The following PRR16 variants were observed in gnomAD, a reference collection of about 807,000 sequenced individuals.
PRR16 encodes the protein protein Largen.
A neutral mutation model predicts 18.2 loss-of-function variants in PRR16; 6 were observed. The ratio of observed to expected loss-of-function variants is 0.33; its 90% CI spans 0.18 to 0.65. The LOEUF (loss-of-function observed/expected upper bound fraction) is 0.65. Ranked by LOEUF, PRR16 falls within the 30% of genes least tolerant of loss-of-function variation. PRR16 has a pLI of 0.74. For missense variants in PRR16, 412 were observed against 376.6 expected (o/e 1.09, Z -0.78); for synonymous variants, 151 against 147.8 (o/e 1.02, Z -0.16).
chr5:120,729,861 A>C, the PRR16 span, among the ~76,000 whole-genome samples: 1 of 152,032 alleles, frequency 6.6e-6, no homozygotes, highest in Non-Finnish European at 1.5e-5. Context: ...TACGTGATGG[A>C]GGGCTTTGCA....
intron 1 of PRR16, among the ~76,000 whole-genome samples, chr5:120,486,044 T>C (rs949330780): frequency 1.3e-5 from 2 of 152,196 alleles, no homozygotes; most frequent in East Asian, 3.8e-4. Context: ...TAATCCAGTC[T>C]ATCATTGTTG....
chr5:120,753,230 C>T, the PRR16 span, among the ~76,000 whole-genome samples: 3 of 151,776 alleles, frequency 2.0e-5, no homozygotes, highest in African/African-American at 4.8e-5. Flanking sequence ...AGGAGCGGAG[C>T]GAATAAGAAA....
chr5:120,689,348 T>C (rs138040626), downstream of PRR16, among the ~76,000 whole-genome samples: 483 of 152,304 alleles, frequency 3.2e-3, 2 homozygotes, highest in African/African-American at 0.011. Context: ...ATAATATTTG[T>C]CTGCAAACTT....
the PRR16 span, among the ~76,000 whole-genome samples, chr5:120,793,951 T>C: frequency 1.3e-5 from 2 of 152,128 alleles, no homozygotes; most frequent in Non-Finnish European, 2.9e-5. Flanking sequence ...AAAGATACAT[T>C]GAAAATGTGG....
chr5:120,486,164 C>T (rs938517815), intron 1 of PRR16, among the ~76,000 whole-genome samples: 1 of 152,184 alleles, frequency 6.6e-6, no homozygotes, highest in African/African-American at 2.4e-5. Context: ...GGTATATACC[C>T]AGTAAAGGGA....
intron 1 of PRR16, among the ~76,000 whole-genome samples, chr5:120,621,426 A>T (rs935727095): frequency 6.6e-6 from 1 of 152,078 alleles, no homozygotes; most frequent in South Asian, 2.1e-4. Flanking sequence ...CTTCTCAGCC[A>T]GAGCTAATCT....
intron 1 of PRR16, among the ~76,000 whole-genome samples, chr5:120,553,670 C>G (rs1752325917): frequency 6.6e-6 from 1 of 151,856 alleles, no homozygotes. Context: ...TAATATGTTA[C>G]TAACACATAC....
At chr5:120,754,353 GATGTATATAA>G in the PRR16 span, among the ~76,000 whole-genome samples, 1 of 56,032 alleles carries the variant, frequency 1.8e-5, no homozygotes, top group Non-Finnish European at 2.9e-5. Flanking sequence ...TATGTTATAT[GATGTATATAA>G]ATATATAATA....
At chr5:120,775,370 C>T in the PRR16 span, among the ~76,000 whole-genome samples, 1 of 151,304 alleles carries the variant, frequency 6.6e-6, no homozygotes, top group South Asian at 2.1e-4. Context: ...GGAAATCTTC[C>T]TCACCTCCTC....
intron 1 of PRR16, among the ~76,000 whole-genome samples, chr5:120,615,064 G>A (rs1356813624): frequency 7.0e-5 from 10 of 143,432 alleles, no homozygotes. Context: ...AAAAAAAATA[G>A]CAAACATTTG....
At chr5:120,717,922 G>T in the PRR16 span, among the ~76,000 whole-genome samples, 3 of 152,062 alleles carry the variant, frequency 2.0e-5, no homozygotes, top group Non-Finnish European at 4.4e-5. Flanking sequence ...ACTGAGCCTT[G>T]CATTCAGTAC....
intron 1 of PRR16, among the ~76,000 whole-genome samples, chr5:120,580,731 A>T (rs1753245093): frequency 6.6e-6 from 1 of 152,164 alleles, no homozygotes; most frequent in African/African-American, 2.4e-5. Flanking sequence ...CTGGGATTAC[A>T]GGAGTGAGGG....
At chr5:120,704,547 A>C in the PRR16 span, among the ~76,000 whole-genome samples, 1 of 152,216 alleles carries the variant, frequency 6.6e-6, no homozygotes, top group Non-Finnish European at 1.5e-5. Context: ...CAATGTACTC[A>C]AGAGTATTTT....
intron 1 of PRR16, among the ~76,000 whole-genome samples, chr5:120,646,048 T>TTTTATATATA (rs748781292): frequency 4.8e-5 from 5 of 104,984 alleles, no homozygotes; most frequent in Admixed American, 2.3e-4. Flanking sequence ...AATACATATT[T>TTTTATATATA]TATATATATA....
chr5:120,481,306 T>C (rs1364708869), intron 1 of PRR16: 2 of 442,028 alleles, frequency 4.5e-6, no homozygotes, highest in African/African-American at 2.0e-5. Flanking sequence ...AAGTTTTGTA[T>C]TTTTAGCAGA....
chr5:120,707,669 G>C, the PRR16 span, among the ~76,000 whole-genome samples: 1 of 152,096 alleles, frequency 6.6e-6, no homozygotes, highest in Admixed American at 6.5e-5. Flanking sequence ...GGAAATTTCC[G>C]TTTACCCTCT....
In PRR16 at chr5:120,621,068, A is replaced by G. The variant is rs146756084; in HGVS notation, c.160-64886A>G. Among the ~76,000 whole-genome samples the G allele has an allele frequency of 3.4e-3, 512 of 152,186 alleles. 5 individuals are homozygous for G. The highest frequency in any genetic ancestry group is 0.012 in the African/African-American group (478 of 41,540). ...GTGTTCTCCTTTAGAAAGTTTTGTC[A>G]AATGTTCCTCCAAAATCCTGAGTCC... On this transcript the variant is annotated intron_variant, in intron 1 of 1. Transcript: ENST00000407149.
In PRR16 at chr5:120,686,711, G is replaced by A. The variant is rs376410603; in HGVS notation, c.*2G>A. ...AAGTCAACCACTACAACCGTGTGAT[G>A]TATGCCATTAAAAAAATTGTTTTTT... On this transcript the variant is annotated 3_prime_UTR_variant, in exon 2 of 2. Coordinates refer to ENST00000407149, the MANE Select transcript of PRR16 (RefSeq NM_001300783.2). 48 of 1,462,982 alleles carry A rather than the reference G, an allele frequency of 3.3e-5. 1 individual carries two copies. In the South Asian group the frequency reaches 5.0e-4, roughly 15 times the overall value. 90.6% of individuals were successfully genotyped at this position (1,462,982 alleles called of 1,614,324 possible).
At chr5:120,728,767 T>C in the PRR16 span, among the ~76,000 whole-genome samples, 981 of 152,268 alleles carry the variant, frequency 6.4e-3, 18 homozygotes, top group African/African-American at 0.023. Context: ...TTGGCATTGT[T>C]TACTCTACTT....
Sources: allele counts gnomAD v4.1 joint callset (sites outside exome capture counted in the v4.1 genomes callset), GRCh38; gene constraint gnomAD v4.1.1; transcripts MANE v1.5; gene names NCBI Gene and HGNC (gene_info 2026-07-23, HGNC 2026-07-21).